Variants in PSPC1 observed in about 807,000 individuals in gnomAD.
PSPC1 encodes the protein paraspeckle component 1.
In PSPC1, 14 loss-of-function variants were observed where a neutral mutation model predicts 51.6. The observed-to-expected ratio is 0.27, with a 90% CI of 0.18 to 0.42. The LOEUF (loss-of-function observed/expected upper bound fraction) is 0.42. Ranked by LOEUF, PSPC1 falls within the 10% of genes least tolerant of loss-of-function variation. The pLI is 1.00. For missense variants in PSPC1, 406 were observed against 701.1 expected, an observed-to-expected ratio of 0.58 and a Z score of 4.75; for synonymous variants, 193 against 231.9, an observed-to-expected ratio of 0.83 and a Z score of 1.53.
intron 4 of PSPC1, among the ~76,000 whole-genome samples, chr13:19,743,966 G>A (rs1254881648): frequency 6.6e-6 from 1 of 151,966 alleles, no homozygotes; most frequent in East Asian, 1.9e-4. Flanking sequence ...AAATTAGCCA[G>A]GCGTGGTGGC....
At chr13:19,729,719 TA>T (rs1260287342) in intron 6 of PSPC1, among the ~76,000 whole-genome samples, 27 of 152,074 alleles carry the variant, frequency 1.8e-4, no homozygotes, top group East Asian at 1.2e-3. Flanking sequence ...TAAAATATGA[TA>T]AAGATTTTTT....
Position 19,782,907 on chromosome 13 carries a change from C to G in PSPC1, c.-150G>C, listed in dbSNP as rs1040449764. 1 of 815,940 alleles carries G rather than the reference C, an allele frequency of 1.2e-6. No homozygotes were observed. Among genetic ancestry groups the G allele is most frequent in the African/African-American group, 1.8e-5 (1 of 56,202 alleles). 50.5% of individuals were successfully genotyped at this position (815,940 alleles called of 1,614,324 possible). On this transcript the variant is annotated 5_prime_UTR_variant, in exon 1 of 9. Coordinates refer to ENST00000338910, the MANE Select transcript of PSPC1 (RefSeq NM_001354909.2). This position sits in a 1 kb window ranked among gnomAD's most constrained non-coding sequence, Gnocchi z 4.5. ...TAGGCGAGTCGGCAACCCGTCCTCC[C>G]CCAACTCACGCCCGCTGCAGCTGCA...
chr13:19,671,828 C>G (rs1876147436), downstream of PSPC1: 3 of 1,614,016 alleles, frequency 1.9e-6, no homozygotes, highest in South Asian at 1.1e-5. Flanking sequence ...TCTTTTCTTT[C>G]AACAGGTTAA....
chr13:19,747,840 T>G (rs751961347), intron 4 of PSPC1, among the ~76,000 whole-genome samples: 2 of 152,224 alleles, frequency 1.3e-5, no homozygotes, highest in African/African-American at 2.4e-5. Flanking sequence ...TCATGATACA[T>G]GTTTCTGCGG....
intron 1 of PSPC1, among the ~76,000 whole-genome samples, chr13:19,781,722 C>T (rs1472084713): frequency 6.6e-6 from 1 of 152,176 alleles, no homozygotes; most frequent in Non-Finnish European, 1.5e-5. Context: ...AGGAGGATCG[C>T]TCGTGCTCAG....
chr13:19,688,821 G>A (rs1256682193), intron 6 of PSPC1, among the ~76,000 whole-genome samples: 1 of 151,956 alleles, frequency 6.6e-6, no homozygotes, highest in Non-Finnish European at 1.5e-5. Flanking sequence ...TTAATTTATG[G>A]ACCCTATAGA....
intron 6 of PSPC1, among the ~76,000 whole-genome samples, chr13:19,689,775 A>G (rs1263468757): frequency 6.6e-6 from 1 of 152,274 alleles, no homozygotes; most frequent in Non-Finnish European, 1.5e-5. Context: ...TGTCTACCAT[A>G]TAACTAAGAA....
intron 8 of PSPC1, among the ~76,000 whole-genome samples, chr13:19,704,412 T>C (rs1354200389): frequency 6.6e-6 from 1 of 152,292 alleles, no homozygotes; most frequent in Admixed American, 6.5e-5. Flanking sequence ...AAATGCTGCA[T>C]TCAACTCTAA....
At chr13:19,671,345 C>G, downstream of PSPC1, 1 of 1,498,454 alleles carries the variant, frequency 6.7e-7, no homozygotes, top group South Asian at 1.1e-5. Context: ...CTCCAGATTA[C>G]TTTATCAACA....
At chr13:19,755,360 C>A (rs1241714260) in intron 3 of PSPC1, among the ~76,000 whole-genome samples, 6 of 152,106 alleles carry the variant, frequency 3.9e-5, no homozygotes, top group Non-Finnish European at 5.9e-5. Context: ...GAGGCTGACG[C>A]AGGCAGATCA....
At chr13:19,726,453 A>G (rs866281126) in intron 6 of PSPC1, among the ~76,000 whole-genome samples, 13 of 152,246 alleles carry the variant, frequency 8.5e-5, no homozygotes, top group Admixed American at 2.6e-4. Context: ...CCACAAATAT[A>G]TTGCAAGGTT....
At chr13:19,733,442 C>T (rs766496618) in intron 5 of PSPC1, among the ~76,000 whole-genome samples, 3 of 152,012 alleles carry the variant, frequency 2.0e-5, no homozygotes, top group Admixed American at 6.6e-5. Context: ...ACTTGAGTGA[C>T]AGCCTCTCTC....
Position 19,703,064 on chromosome 13 carries a change from T to G in PSPC1, c.*111A>C. The G allele has an allele frequency of 5.4e-6, 4 of 739,194 alleles. No individual in the cohort carries two copies. The highest frequency in any genetic ancestry group is 8.4e-6 in the Non-Finnish European group (4 of 474,074). The allele number at this position is 739,194 out of a possible 1,614,324, so 45.8% of individuals were successfully genotyped here. A position where few individuals can be genotyped will look rare whatever the true frequency, so the allele number is the denominator to read the frequency against. On this transcript the variant is annotated 3_prime_UTR_variant, in exon 9 of 9. Transcript: ENST00000338910. The stretch of plus-strand genomic sequence containing the variant: ...CAAGTTTTACAAAAAAAAAAAAACT[T>G]TTAAGTCTACATACATTAACAATAA...
chr13:19,678,630 G>C (rs1277869743), intron 6 of PSPC1: 2 of 152,156 alleles, frequency 1.3e-5, no homozygotes, highest in African/African-American at 4.8e-5. Flanking sequence ...CCCCCAGAAA[G>C]TATATGTGAA....
chr13:19,749,744 T>C (rs1886350499), intron 4 of PSPC1, among the ~76,000 whole-genome samples: 2 of 151,176 alleles, frequency 1.3e-5, no homozygotes, highest in South Asian at 4.2e-4. Flanking sequence ...GTTCAAGTAA[T>C]TCCCTGCCTC....
chr13:19,673,229 G>A (rs1021626519), downstream of PSPC1: 6 of 422,650 alleles, frequency 1.4e-5, no homozygotes, highest in Non-Finnish European at 2.3e-5. Flanking sequence ...AAGAGTTCCT[G>A]CTTCTGTATG....
chr13:19,723,284 C>A (rs1292469273), intron 6 of PSPC1, among the ~76,000 whole-genome samples: 1 of 151,930 alleles, frequency 6.6e-6, no homozygotes, highest in African/African-American at 2.4e-5. Flanking sequence ...AAGGTAAGAT[C>A]AAAAAAATGT....
chr13:19,736,214 A>C (rs1356424463), intron 5 of PSPC1, among the ~76,000 whole-genome samples: 1 of 152,152 alleles, frequency 6.6e-6, no homozygotes, highest in Non-Finnish European at 1.5e-5. Context: ...ACCAGGAAAA[A>C]CTAAGATTGT....
At chr13:19,688,506 T>C (rs569768281) in intron 6 of PSPC1, among the ~76,000 whole-genome samples, 36 of 152,352 alleles carry the variant, frequency 2.4e-4, no homozygotes, top group African/African-American at 6.0e-4. Context: ...CCTACCATTA[T>C]TGATGTTTGT....
Sources: allele counts gnomAD v4.1 joint callset (sites outside exome capture counted in the v4.1 genomes callset), GRCh38; gene constraint gnomAD v4.1.1; non-coding constraint Gnocchi (gnomAD v3.1); transcripts MANE v1.5; gene names NCBI Gene and HGNC (gene_info 2026-07-23, HGNC 2026-07-21).